The following UTRN variants were observed in gnomAD, a reference collection of about 807,000 sequenced individuals.
UTRN encodes utrophin, also known as dystrophin-related protein 1.
In UTRN, 283 loss-of-function variants were observed where a neutral mutation model predicts 463.9. The observed-to-expected ratio is 0.61, with a 90% confidence interval of 0.55 to 0.67. UTRN has a LOEUF of 0.67. Among genes scored for constraint, UTRN ranks in the 30% least tolerant of loss-of-function variants. UTRN has a pLI of 0.00. For missense variants in UTRN, 3,922 were observed against 4,084.3 expected (o/e 0.96, Z 1.08); for synonymous variants, 1,442 against 1,431.5 (o/e 1.01, Z -0.17).
chr6:144,346,907 A>ATCG (rs1371431182), intron 2 of UTRN, among the ~76,000 whole-genome samples: 2 of 129,994 alleles, frequency 1.5e-5, no homozygotes, highest in South Asian at 2.2e-4. Context: ...TCTATCTATC[A>ATCG]TCTATCTATC....
At chr6:144,312,009 A>C (rs1483435086) in intron 2 of UTRN, 1 of 152,246 alleles carries the variant, frequency 6.6e-6, no homozygotes, top group African/African-American at 2.4e-5. Context: ...GGGTGTAAGC[A>C]TGGCCACCTG....
intron 63 of UTRN, among the ~76,000 whole-genome samples, chr6:144,797,339 C>G (rs1011076994): frequency 2.0e-5 from 3 of 152,052 alleles, no homozygotes; most frequent in African/African-American, 4.8e-5. Context: ...CAGGTGCACG[C>G]CACAAGGCCC....
chr6:144,577,285 G>A lies in UTRN; in HGVS notation c.7476G>A (p.Met2492Ile), dbSNP rs1253070486. The change falls in exon 51 of 75, where the codon ATG becomes ATA. Residue 2492 changes from methionine to isoleucine, a missense_variant. Coordinates refer to ENST00000367545, the MANE Select transcript of UTRN (RefSeq NM_007124.3). ...TGGCCAGGGAACTCAAACAGCAGATGCAGGTAAGTGCATGGGAAACCACAC... is the reference window on the plus strand; with the variant it reads ...TGGCCAGGGAACTCAAACAGCAGATACAGGTAAGTGCATGGGAAACCACAC... ...SILARELKQQ[M>I]QDIQAEIDAH... 1.2e-5 allele frequency: 19 copies of A among 1,613,530 alleles called. No homozygotes were observed. The highest frequency in any genetic ancestry group is 1.6e-5 in the Non-Finnish European group (19 of 1,179,726).
intron 32 of UTRN, 55 bp downstream of exon 32, chr6:144,491,157 C>G: frequency 6.5e-7 from 1 of 1,535,056 alleles, no homozygotes; most frequent in Non-Finnish European, 8.8e-7. Flanking sequence ...GCTGTTATGG[C>G]TTGGTCTAGC....
At chr6:144,560,602 A>G (rs989070959) in intron 50 of UTRN, among the ~76,000 whole-genome samples, 15 of 152,168 alleles carry the variant, frequency 9.9e-5, no homozygotes, top group Non-Finnish European at 2.2e-4. Flanking sequence ...ACTGTGCAGC[A>G]TAATGTGTGA....
intron 53 of UTRN, among the ~76,000 whole-genome samples, chr6:144,721,962 G>A (rs1188878080): frequency 6.6e-6 from 1 of 152,150 alleles, no homozygotes; most frequent in East Asian, 1.9e-4. Context: ...TTCAGATTAG[G>A]GATGCTCAAC....
chr6:144,709,815 A>T (rs1488439447), intron 53 of UTRN, among the ~76,000 whole-genome samples: 2 of 152,212 alleles, frequency 1.3e-5, no homozygotes, highest in Non-Finnish European at 2.9e-5. Flanking sequence ...GGGTTGATTT[A>T]TAGAAACTCA....
intron 59 of UTRN, 104 bp from the exon 60 acceptor site, chr6:144,774,186 A>T: frequency 8.8e-7 from 1 of 1,136,374 alleles, no homozygotes; most frequent in South Asian, 1.6e-5. Flanking sequence ...ATTTCAGGCA[A>T]ACATAATATT....
chr6:144,805,635 G>C (rs1778083920), intron 65 of UTRN, among the ~76,000 whole-genome samples: 1 of 152,154 alleles, frequency 6.6e-6, no homozygotes, highest in Non-Finnish European at 1.5e-5. Context: ...ATGAAACTGG[G>C]GGGCCCCTTG....
At chr6:144,611,085 G>T (rs1805469631) in intron 51 of UTRN, among the ~76,000 whole-genome samples, 1 of 152,136 alleles carries the variant, frequency 6.6e-6, no homozygotes, top group Non-Finnish European at 1.5e-5. Context: ...ATACATCACA[G>T]TAACAAAATG....
chr6:144,413,177 G>A (rs987305407), intron 3 of UTRN, among the ~76,000 whole-genome samples: 5 of 152,150 alleles, frequency 3.3e-5, no homozygotes, highest in African/African-American at 9.7e-5. Flanking sequence ...ACATAAGGAT[G>A]TTTTACTCAT....
intron 3 of UTRN, among the ~76,000 whole-genome samples, chr6:144,408,124 A>C (rs1783577483): frequency 6.6e-6 from 1 of 152,234 alleles, no homozygotes; most frequent in Non-Finnish European, 1.5e-5. Flanking sequence ...ATAATTACTT[A>C]GGAATGCAAA....
In UTRN at chr6:144,617,866, C is replaced by T. The variant is rs12526870; in HGVS notation, c.7479+40578C>T. ...AATCTCAAATTTACTGCTACCCACT[C>T]GGTACCATGCAGAGCTTGCTTGGGA... On this transcript the variant is annotated intron_variant, in intron 51 of 74. Coordinates refer to ENST00000367545, the MANE Select transcript of UTRN (RefSeq NM_007124.3). Among the ~76,000 whole-genome samples, 45 of 152,222 alleles carry T rather than the reference C, an allele frequency of 3.0e-4. 1 individual carries two copies. The highest frequency in any genetic ancestry group is 2.3e-3 in the East Asian group (12 of 5,186).
At chr6:144,758,809 G>A (rs970970143) in intron 58 of UTRN, among the ~76,000 whole-genome samples, 2 of 152,014 alleles carry the variant, frequency 1.3e-5, no homozygotes, top group East Asian at 1.9e-4. Context: ...TGTGTCAGAC[G>A]AACAGCATCA....
At chr6:144,732,214 TTATATATATATATATATATATATACATA>T (rs1193218008) in intron 54 of UTRN, among the ~76,000 whole-genome samples, 1 of 92,304 alleles carries the variant, frequency 1.1e-5, no homozygotes, top group Non-Finnish European at 2.0e-5. Flanking sequence ...GTACTCTGTT[TTATATATATATATATATATATATACATA>T]TATATATATA....
chr6:144,602,354 G>T (rs2128637177), intron 51 of UTRN, among the ~76,000 whole-genome samples: 1 of 151,832 alleles, frequency 6.6e-6, no homozygotes, highest in East Asian at 1.9e-4. Context: ...GGCCAGGCTG[G>T]TCTTAAACTC....
At position 144,403,024 on chromosome 6, in the gene UTRN, T is replaced by G. The variant is rs1285727899; in HGVS notation, c.80-99T>G. The G allele has an allele frequency of 8.4e-6, 9 of 1,071,062 alleles. No homozygotes were observed. The Admixed American group carries it at 1.6e-4, about 19-fold the overall frequency. The allele number at this position is 1,071,062 out of a possible 1,614,324, so 66.3% of individuals were successfully genotyped here. On this transcript the variant is annotated intron_variant, in intron 2 of 74. Coordinates refer to ENST00000367545, the MANE Select transcript of UTRN (RefSeq NM_007124.3). Reference sequence around the variant, plus strand: ...GCTCAAGGAGCTCGACTAATAGGACTATTTTAAACTCTCCAGGATAGAGAT... The same window carrying G: ...GCTCAAGGAGCTCGACTAATAGGACGATTTTAAACTCTCCAGGATAGAGAT...
At chr6:144,763,629 GAAATAGTCCTTCCCT>G (rs575416340) in intron 58 of UTRN, among the ~76,000 whole-genome samples, 24 of 152,184 alleles carry the variant, frequency 1.6e-4, no homozygotes, top group Non-Finnish European at 3.2e-4. Flanking sequence ...CAATACAGAA[GAAATAGTCCTTCCCT>G]AAATATGGTC....
Position 144,491,010 on chromosome 6 carries a change from C to T in UTRN, c.4345C>T (p.Arg1449Cys), listed in dbSNP as rs367914911. ...CGAGCAGCGCATGCTGGACTGCAAGCGTGTGCTGGATGGCGTGAAAGCAGA... is the reference window on the plus strand; with the variant it reads ...CGAGCAGCGCATGCTGGACTGCAAGTGTGTGCTGGATGGCGTGAAAGCAGA... ...NFEQRMLDCK[R>C]VLDGVKAELH... The change falls in exon 32 of 75, where the codon CGT becomes TGT. Residue 1449 changes from arginine to cysteine, a missense_variant. By Grantham distance (180) the Arg-to-Cys change is radical. Around this residue, in one of 3 missense-constraint regions of UTRN, gnomAD observed 2,349 missense variants for 2,303.8 expected, o/e 1.02. Coordinates refer to ENST00000367545, the MANE Select transcript of UTRN (RefSeq NM_007124.3). 18 of 1,613,898 alleles carry T rather than the reference C, an allele frequency of 1.1e-5. No individual in the cohort carries two copies. In the East Asian group the frequency reaches 1.6e-4, roughly 14 times the overall value.
Sources: gnomAD v4.1 joint callset for allele counts (sites outside exome capture counted in the v4.1 genomes callset) on GRCh38, gnomAD v4.1.1 for gene constraint, gnomAD v4.1.1 regional missense constraint, MANE v1.5 for transcripts, NCBI Gene and HGNC (gene_info 2026-07-23, HGNC 2026-07-21) for gene names.